Variants in NIF3L1 observed in about 807,000 individuals in gnomAD.
The protein encoded by NIF3L1 is NGG1 interacting factor 3 like 1.
In NIF3L1, 26 loss-of-function variants were observed where a neutral mutation model predicts 35.0. The ratio of observed to expected loss-of-function variants is 0.74; its 90% CI spans 0.54 to 1.03. NIF3L1 has a LOEUF of 1.03. NIF3L1 is among the 50% of genes least tolerant of loss of function. The pLI is 0.00. For synonymous variants in NIF3L1, 157 were observed against 178.9 expected (o/e 0.88, Z 0.98); for missense variants, 449 against 466.3 (o/e 0.96, Z 0.34).
In NIF3L1 at chr2:200,892,275, G is replaced by A. The variant is rs530878271; in HGVS notation, c.332G>A (p.Arg111His). The change falls in exon 2 of 7, where the codon CGC becomes CAC. Residue 111 changes from arginine to histidine, a missense_variant. Physicochemically the swap from Arg to His is conservative, Grantham distance 29 (BLOSUM62 0). Coordinates refer to ENST00000409020, the MANE Select transcript of NIF3L1 (RefSeq NM_001369441.2). ...ATAACCTGGAACACATGGAAGGAGC[G>A]CCTGGTGATCCGGGCTCTGGAGAAC... ...KRITWNTWKE[R>H]LVIRALENRV... is the part of the protein sequence containing the mutation. 6.3e-5 allele frequency: 102 copies of A among 1,613,988 alleles called. No homozygotes were observed. The highest frequency in any genetic ancestry group is 2.6e-5 in the Non-Finnish European group (31 of 1,180,030).
Position 200,897,070 on chromosome 2 carries a change from C to G in NIF3L1, c.727-6C>G. 1.2e-6 allele frequency: 2 copies of G among 1,613,354 alleles called. No individual in the cohort carries two copies. The highest frequency in any genetic ancestry group is 8.5e-7 in the Non-Finnish European group (1 of 1,179,534). On this transcript the variant is annotated splice_region_variant and splice_polypyrimidine_tract_variant and intron_variant, in intron 4 of 6. Coordinates refer to ENST00000409020, the MANE Select transcript of NIF3L1 (RefSeq NM_001369441.2). ...CACACCGTTTCTAACTTCTGTTTCT[C>G]CTCAGCCTTTGCTTCTACATACTGG...
Position 200,892,139 on chromosome 2 carries a change from A to G in NIF3L1, c.196A>G (p.Thr66Ala), listed in dbSNP as rs370165304. 1.2e-6 allele frequency: 2 copies of G among 1,614,070 alleles called. No homozygotes were observed. The highest frequency in any genetic ancestry group is 1.7e-6 in the Non-Finnish European group (2 of 1,180,046). The part of the protein sequence containing the change: ...VEPSPPHTVN[T>A]LFLTNDLTEE... ...ACCAAGCCCACCACATACTGTAAAT[A>G]CACTCTTCCTGACCAATGACCTGAC... The change falls in exon 2 of 7, where the codon ACA becomes GCA. Residue 66 changes from threonine to alanine, a missense_variant. Thr to Ala is a moderately conservative substitution (Grantham distance 58, BLOSUM62 0). Coordinates refer to ENST00000409020, the MANE Select transcript of NIF3L1 (RefSeq NM_001369441.2).
chr2:200,900,383 C>T (rs1330977217), intron 6 of NIF3L1, among the ~76,000 whole-genome samples: 1 of 152,176 alleles, frequency 6.6e-6, no homozygotes, highest in Non-Finnish European at 1.5e-5. Context: ...CTTTGTTTAC[C>T]TCCTCCTTCT....
At chr2:200,897,851 G>A (rs1208224220) in intron 5 of NIF3L1, among the ~76,000 whole-genome samples, 1 of 152,184 alleles carries the variant, frequency 6.6e-6, no homozygotes, top group African/African-American at 2.4e-5. Context: ...CTGATTGTCT[G>A]TCCTAAGTAC....
chr2:200,901,484 T>A (rs2040409503), intron 6 of NIF3L1, among the ~76,000 whole-genome samples: 1 of 152,226 alleles, frequency 6.6e-6, no homozygotes, highest in South Asian at 2.1e-4. Flanking sequence ...CCTATCTGGC[T>A]GTGGGGAGAA....
In NIF3L1 at chr2:200,895,978, C is replaced by CTT. The variant is rs112961248; in HGVS notation, c.726+599_726+600dup. 5.8e-3 allele frequency among the ~76,000 whole-genome samples: 852 copies of CTT among 145,898 alleles called. 8 individuals are homozygous for CTT. Among genetic ancestry groups the CTT allele is most frequent in the African/African-American group, 0.02 (788 of 40,094 alleles). ...ATACTTTATCCGTTTGCCACCCCCG[C>CTT]TTTTTTTTTTTTCCATATTTCATAT... On this transcript the variant is annotated intron_variant, in intron 4 of 6. Coordinates refer to ENST00000409020, the MANE Select transcript of NIF3L1 (RefSeq NM_001369441.2).
In NIF3L1 at chr2:200,893,392, ACTT is replaced by A; in HGVS notation, c.587_589del (p.Ser196del). Reference sequence around the variant, plus strand: ...GAAAGGAATTGACGGTGTTTCTGTCACTTCTTTTTCTGCTAGGTACAATTTATT... The same window carrying A: ...GAAAGGAATTGACGGTGTTTCTGTCACTTTTTCTGCTAGGTACAATTTATT... On this transcript the variant is annotated inframe_deletion, in exon 3 of 7. Transcript: ENST00000409020. 2 of 1,613,866 alleles carry A rather than the reference ACTT, an allele frequency of 1.2e-6. No homozygotes were observed. The highest frequency in any genetic ancestry group is 1.7e-6 in the Non-Finnish European group (2 of 1,179,908).
intron 6 of NIF3L1, 45 bp downstream of exon 6, chr2:200,899,513 C>A: frequency 6.8e-7 from 1 of 1,460,030 alleles, no homozygotes; most frequent in South Asian, 1.1e-5. Flanking sequence ...TTTGCAAAAT[C>A]AAAAATGGCA....
chr2:200,896,919 CTG>C (rs1370451225), intron 4 of NIF3L1, among the ~76,000 whole-genome samples, 155 bp from the exon 5 acceptor site: 3 of 152,340 alleles, frequency 2.0e-5, no homozygotes, highest in Admixed American at 6.5e-5. Context: ...TCCTAGAAAA[CTG>C]TGAACTCCTA....
intron 1 of NIF3L1, among the ~76,000 whole-genome samples, chr2:200,891,084 G>T (rs1433863849): frequency 1.3e-5 from 2 of 151,556 alleles, no homozygotes; most frequent in African/African-American, 4.9e-5. Flanking sequence ...TCAGCCTCCC[G>T]AGTAGCTGGG....
At chr2:200,893,526 A>G (rs2040243391) in intron 3 of NIF3L1, 118 bp downstream of exon 3, 1 of 944,768 alleles carries the variant, frequency 1.1e-6, no homozygotes, top group Non-Finnish European at 1.6e-6. Flanking sequence ...GTTGATTTAC[A>G]AAGTAGCATA....
At chr2:200,901,269 T>C (rs1197326005) in intron 6 of NIF3L1, among the ~76,000 whole-genome samples, 1 of 152,274 alleles carries the variant, frequency 6.6e-6, no homozygotes, top group East Asian at 1.9e-4. Context: ...GTTAGTCTCC[T>C]TCAGTCTGGA....
At chr2:200,902,045 A>C (rs1335181250) in intron 6 of NIF3L1, among the ~76,000 whole-genome samples, 1 of 152,212 alleles carries the variant, frequency 6.6e-6, no homozygotes, top group African/African-American at 2.4e-5. Context: ...GGAACTAAAA[A>C]ATTCTGGAAT....
In NIF3L1 at chr2:200,903,626, A is replaced by G. The variant is rs748355781; in HGVS notation, c.1082A>G (p.Lys361Arg). The G allele has an allele frequency of 6.2e-6, 10 of 1,613,456 alleles. No individual in the cohort carries two copies. In the East Asian group the frequency reaches 2.0e-4, roughly 32 times the overall value. Residue 361 changes from lysine to arginine, a missense_variant, in exon 7 of 7, where the codon AAG (lysine) becomes AGG (arginine). By Grantham distance (26) the Lys-to-Arg change is conservative. Coordinates refer to ENST00000409020, the MANE Select transcript of NIF3L1 (RefSeq NM_001369441.2). ...ATGCTGGATTCTCACTTGGAGAATA[A>G]GATAAATATTATCCTATCAGAGACT... ...RDMLDSHLEN[K>R]INIILSETDR...
intron 5 of NIF3L1, among the ~76,000 whole-genome samples, chr2:200,897,917 A>C (rs2040345683): frequency 6.6e-6 from 1 of 152,166 alleles, no homozygotes; most frequent in African/African-American, 2.4e-5. Flanking sequence ...GTGGATTCTG[A>C]GCTTAGACAA....
Position 200,892,142 on chromosome 2 carries a change from C to G in NIF3L1, c.199C>G (p.Leu67Val), listed in dbSNP as rs962336608. ...AAGCCCACCACATACTGTAAATACACTCTTCCTGACCAATGACCTGACTGA... is the reference window on the plus strand; with the variant it reads ...AAGCCCACCACATACTGTAAATACAGTCTTCCTGACCAATGACCTGACTGA... ...EPSPPHTVNT[L>V]FLTNDLTEEV... Residue 67 changes from leucine to valine, a missense_variant, in exon 2 of 7, where the codon CTC (leucine) becomes GTC (valine). Leu to Val is a conservative substitution (Grantham distance 32, BLOSUM62 1). Coordinates refer to ENST00000409020, the MANE Select transcript of NIF3L1 (RefSeq NM_001369441.2). The G allele has an allele frequency of 6.2e-7, 1 of 1,614,208 alleles. No individual in the cohort carries two copies. The highest frequency in any genetic ancestry group is 1.1e-5 in the South Asian group (1 of 91,090).
chr2:200,893,190 TA>T, intron 2 of NIF3L1, 55 bp from the exon 3 acceptor site: 1 of 1,393,406 alleles, frequency 7.2e-7, no homozygotes, highest in Non-Finnish European at 9.6e-7. Context: ...AGTTTACTTT[TA>T]AATCTTAATC....
At chr2:200,891,491 G>A (rs1368838792) in intron 1 of NIF3L1, among the ~76,000 whole-genome samples, 1 of 152,134 alleles carries the variant, frequency 6.6e-6, no homozygotes, top group Non-Finnish European at 1.5e-5. Context: ...TGCTGAAAAG[G>A]GAGGTCAAGA....
chr2:200,892,310 A>T lies in NIF3L1; in HGVS notation c.367A>T (p.Ile123Phe), dbSNP rs375972451. The T allele has an allele frequency of 1.9e-6, 3 of 1,613,670 alleles. No individual in the cohort carries two copies. The highest frequency in any genetic ancestry group is 2.2e-5 in the East Asian group (1 of 44,890). Residue 123 changes from isoleucine to phenylalanine, a missense_variant, in exon 2 of 7, where the codon ATC becomes TTC. Ile to Phe is a conservative substitution (Grantham distance 21). Coordinates refer to ENST00000409020, the MANE Select transcript of NIF3L1 (RefSeq NM_001369441.2). The part of the protein sequence containing the change: ...VIRALENRVG[I>F]YSPHTAYDAA... ...CCGGGCTCTGGAGAACAGAGTCGGTATCTACTCTCCTCATACAGCCTATGA... is the reference window on the plus strand; with the variant it reads ...CCGGGCTCTGGAGAACAGAGTCGGTTTCTACTCTCCTCATACAGCCTATGA...
Sources: gnomAD v4.1 joint callset for allele counts (sites outside exome capture counted in the v4.1 genomes callset) on GRCh38, gnomAD v4.1.1 for gene constraint, MANE v1.5 for transcripts, NCBI Gene and HGNC (gene_info 2026-07-23, HGNC 2026-07-21) for gene names.